The following GLI2 variants were observed in gnomAD, a reference collection of about 807,000 sequenced individuals.
GLI2 encodes the protein transcription activator GLI2.
GLI2 carries 22 observed loss-of-function variants against 78.9 expected under a neutral mutation model. The ratio of observed to expected loss-of-function variants is 0.28; its 90% CI spans 0.20 to 0.40. The LOEUF is 0.40. Among genes scored for constraint, GLI2 ranks in the 10% least tolerant of loss-of-function variants. The pLI is 1.00. For synonymous variants in GLI2, 974 were observed against 963.7 expected (o/e 1.01, Z -0.20); for missense variants, 2,097 against 2,213.2 (o/e 0.95, Z 1.05).
chr2:120,855,503 G>A (rs1049789815), intron 2 of GLI2, among the ~76,000 whole-genome samples: 1 of 152,344 alleles, frequency 6.6e-6, no homozygotes, highest in African/African-American at 2.4e-5. Context: ...AATGGGTGAA[G>A]GTGCAGTGAA....
chr2:120,738,403 C>T (rs765396482), intron 1 of GLI2, among the ~76,000 whole-genome samples: 4 of 152,128 alleles, frequency 2.6e-5, no homozygotes, highest in Non-Finnish European at 2.9e-5. Context: ...GGAAAGTTGT[C>T]GCTTGTCTGA....
intron 2 of GLI2, among the ~76,000 whole-genome samples, chr2:120,809,973 G>A (rs766843569): frequency 3.6e-4 from 55 of 152,186 alleles, no homozygotes; most frequent in Non-Finnish European, 3.8e-4. Flanking sequence ...CTGCGGTCAG[G>A]CAGGTGCTGA....
chr2:120,979,472 G>A (rs953797947), intron 10 of GLI2, among the ~76,000 whole-genome samples: 2 of 152,158 alleles, frequency 1.3e-5, no homozygotes, highest in Admixed American at 1.3e-4. Flanking sequence ...TAGATTCTGA[G>A]ACATACATTT....
chr2:120,876,108 T>G lies in GLI2; in HGVS notation c.149-51253T>G, dbSNP rs547034511. Among the ~76,000 whole-genome samples the G allele has an allele frequency of 1.1e-3, 167 of 152,210 alleles. 1 individual carries two copies. The highest frequency in any genetic ancestry group is 3.8e-3 in the African/African-American group (159 of 41,532). On this transcript the variant is annotated intron_variant, in intron 2 of 13. Transcript: ENST00000361492. Reference sequence around the variant, plus strand: ...TGTAATCCCAGCACTTTGGGAGGCCTAGGCGGGCAGATCACGAGGTCAGGA... The same window carrying G: ...TGTAATCCCAGCACTTTGGGAGGCCGAGGCGGGCAGATCACGAGGTCAGGA...
At chr2:120,760,813 G>A (rs1212396032) in intron 1 of GLI2, among the ~76,000 whole-genome samples, 1 of 152,162 alleles carries the variant, frequency 6.6e-6, no homozygotes, top group African/African-American at 2.4e-5. Flanking sequence ...ATGTTTTCAG[G>A]TCCTTGTGGA....
intron 2 of GLI2, among the ~76,000 whole-genome samples, chr2:120,911,615 C>T (rs1343374113): frequency 2.6e-5 from 4 of 152,190 alleles, no homozygotes; most frequent in Non-Finnish European, 5.9e-5. Context: ...TTCATGTATT[C>T]ATTCATTCAC....
chr2:120,877,527 A>G (rs928271569), intron 2 of GLI2, among the ~76,000 whole-genome samples: 4 of 152,126 alleles, frequency 2.6e-5, no homozygotes, highest in Non-Finnish European at 2.9e-5. Context: ...CCCAGTCACT[A>G]GCCACCACTC....
chr2:120,774,484 C>T (rs960018463), intron 1 of GLI2, among the ~76,000 whole-genome samples: 7 of 152,174 alleles, frequency 4.6e-5, no homozygotes, highest in Non-Finnish European at 7.3e-5. Flanking sequence ...GCTCCCCATC[C>T]CTGGCAGCCA....
chr2:120,775,854 G>A (rs1683660973), intron 1 of GLI2, among the ~76,000 whole-genome samples: 1 of 152,218 alleles, frequency 6.6e-6, no homozygotes, highest in Admixed American at 6.5e-5. Context: ...GTCGTACAGG[G>A]GCACAGGGGA....
intron 2 of GLI2, among the ~76,000 whole-genome samples, chr2:120,920,029 C>T (rs1009886180): frequency 1.3e-5 from 2 of 152,362 alleles, no homozygotes; most frequent in African/African-American, 2.4e-5. Context: ...TCTCTGAAAC[C>T]GGTTTCTTCT....
chr2:120,750,154 G>C (rs900925282), intron 1 of GLI2, among the ~76,000 whole-genome samples: 1 of 152,210 alleles, frequency 6.6e-6, no homozygotes, highest in Non-Finnish European at 1.5e-5. Context: ...TGTCCCTGTC[G>C]TGAGCCTCAG....
intron 2 of GLI2, among the ~76,000 whole-genome samples, chr2:120,841,859 G>T (rs1162066419): frequency 2.0e-5 from 3 of 149,582 alleles, no homozygotes; most frequent in Non-Finnish European, 4.4e-5. Flanking sequence ...GTGTGTGTGT[G>T]TGTGTGTGTG....
At chr2:120,977,400 C>T (rs896782845) in intron 9 of GLI2, among the ~76,000 whole-genome samples, 14 of 152,094 alleles carry the variant, frequency 9.2e-5, no homozygotes, top group Non-Finnish European at 1.9e-4. Flanking sequence ...ATTGTATATT[C>T]TTTTTTTTCC....
In GLI2 at chr2:120,972,071, G is replaced by A. The variant is rs773745993; in HGVS notation, c.1182+8G>A. 39 of 1,612,774 alleles carry A rather than the reference G, an allele frequency of 2.4e-5. No individual in the cohort carries two copies. The highest frequency in any genetic ancestry group is 3.1e-5 in the Non-Finnish European group (36 of 1,179,830). On this transcript the variant is annotated splice_region_variant and intron_variant, in intron 8 of 13. Coordinates refer to ENST00000361492, the MANE Select transcript of GLI2 (RefSeq NM_001374353.1). ...CCTCTGGCGCTGACGCAGGTAACCTGCTGCCAGCCGCACCACCTTCCTCCA... is the reference window on the plus strand; with the variant it reads ...CCTCTGGCGCTGACGCAGGTAACCTACTGCCAGCCGCACCACCTTCCTCCA...
At chr2:120,972,419 G>T (rs1014915052) in intron 8 of GLI2, among the ~76,000 whole-genome samples, 15 of 152,198 alleles carry the variant, frequency 9.9e-5, no homozygotes, top group Non-Finnish European at 1.8e-4. Flanking sequence ...CCCCGGAATG[G>T]CCCAGGCCCT....
chr2:120,959,227 G>A (rs988850583), intron 5 of GLI2, among the ~76,000 whole-genome samples: 11 of 152,120 alleles, frequency 7.2e-5, no homozygotes, highest in Non-Finnish European at 1.2e-4. Flanking sequence ...CACCCCACCC[G>A]CTGTGCCTTC....
At chr2:120,757,308 T>A (rs954403997) in intron 1 of GLI2, among the ~76,000 whole-genome samples, 15 of 152,234 alleles carry the variant, frequency 9.9e-5, no homozygotes, top group African/African-American at 3.4e-4. Flanking sequence ...TTGAATATTT[T>A]TGTCTTACTA....
intron 2 of GLI2, among the ~76,000 whole-genome samples, chr2:120,799,902 G>A (rs1684613339): frequency 6.6e-6 from 1 of 152,196 alleles, no homozygotes; most frequent in Non-Finnish European, 1.5e-5. Context: ...AGCTGCAGGT[G>A]GTTGGCGTGG....
At chr2:120,850,771 C>T (rs559190253) in intron 2 of GLI2, among the ~76,000 whole-genome samples, 107 of 152,242 alleles carry the variant, frequency 7.0e-4, no homozygotes, top group African/African-American at 2.4e-3. Flanking sequence ...CATCACTGTG[C>T]GAGAGGCAGG....
Sources: allele counts gnomAD v4.1 joint callset (sites outside exome capture counted in the v4.1 genomes callset), GRCh38; gene constraint gnomAD v4.1.1; transcripts MANE v1.5; gene names NCBI Gene and HGNC (gene_info 2026-07-23, HGNC 2026-07-21).